The following PTPN13 variants were observed in gnomAD, a reference collection of about 807,000 sequenced individuals.
PTPN13 encodes the protein tyrosine-protein phosphatase non-receptor type 13.
In PTPN13, 191 loss-of-function variants were observed where a neutral mutation model predicts 284.0. The ratio of observed to expected loss-of-function variants is 0.67; its 90% CI spans 0.60 to 0.76. PTPN13 has a LOEUF of 0.76. PTPN13 is among the 30% of genes least tolerant of loss of function. The probability of loss-of-function intolerance (pLI) is 0.00; values close to 1 mark genes in which losing one functional copy is unlikely to be tolerated. For synonymous variants in PTPN13, 986 were observed against 1,022.3 expected, an observed-to-expected ratio of 0.96 and a Z score of 0.68; for missense variants, 2,797 against 2,939.9, an observed-to-expected ratio of 0.95 and a Z score of 1.12.
At chr4:86,759,098 G>T in intron 23 of PTPN13, 25 bp downstream of exon 23, 2 of 1,603,450 alleles carry the variant, frequency 1.2e-6, no homozygotes, top group South Asian at 2.2e-5. Flanking sequence ...TCTTACTTAT[G>T]TATTCTGTTT....
intron 17 of PTPN13, among the ~76,000 whole-genome samples, chr4:86,748,800 C>T (rs1226293207): frequency 5.3e-5 from 8 of 151,944 alleles, no homozygotes; most frequent in Non-Finnish European, 7.4e-5. Context: ...GGACTACAGG[C>T]GCCTGCCACC....
chr4:86,713,384 A>T (rs1732656947), intron 7 of PTPN13, among the ~76,000 whole-genome samples: 1 of 152,150 alleles, frequency 6.6e-6, no homozygotes, highest in South Asian at 2.1e-4. Flanking sequence ...CATATAATGT[A>T]CTGTATTCAT....
intron 2 of PTPN13, among the ~76,000 whole-genome samples, chr4:86,639,536 G>A (rs1039769530): frequency 3.3e-5 from 5 of 152,114 alleles, no homozygotes; most frequent in African/African-American, 1.2e-4. Flanking sequence ...TAGGGACATG[G>A]ATGAAATTGG....
At chr4:86,789,836 C>A (rs573558267) in intron 40 of PTPN13, among the ~76,000 whole-genome samples, 4 of 149,234 alleles carry the variant, frequency 2.7e-5, no homozygotes, top group African/African-American at 9.9e-5. Context: ...ACAGGTATCA[C>A]TGTAGCTTTT....
intron 20 of PTPN13, among the ~76,000 whole-genome samples, chr4:86,756,213 A>G (rs779816113): frequency 3.9e-5 from 6 of 151,922 alleles, no homozygotes; most frequent in Non-Finnish European, 7.4e-5. Context: ...CACCTCATCA[A>G]TGTGGTCTCT....
chr4:86,723,177 AT>A (rs1251521238), intron 10 of PTPN13, among the ~76,000 whole-genome samples: 1 of 152,138 alleles, frequency 6.6e-6, no homozygotes, highest in Admixed American at 6.5e-5. Context: ...GTGTACTGTA[AT>A]TTCTTTAGTC....
At chr4:86,755,051 C>T (rs1737815487) in intron 20 of PTPN13, among the ~76,000 whole-genome samples, 3 of 152,074 alleles carry the variant, frequency 2.0e-5, no homozygotes, top group African/African-American at 7.2e-5. Context: ...AGTAAAATTA[C>T]TTGCCCATGC....
At chr4:86,595,057 C>A (rs1306038796) in intron 1 of PTPN13, among the ~76,000 whole-genome samples, 2 of 152,040 alleles carry the variant, frequency 1.3e-5, no homozygotes, top group African/African-American at 4.8e-5. Flanking sequence ...CGGAAGAAAG[C>A]CGGATTCTCG....
rs977733337 is a variant in PTPN13 at position 86,748,486 on chromosome 4, C to T, written c.2651-1984C>T. ...ACTGAGCCTGCTATCCTTATTCCTG[C>T]CAAAGTTTGGTCCACATTTTCTTTA... On this transcript the variant is annotated intron_variant, in intron 17 of 47. Transcript: ENST00000411767. 3.1e-4 allele frequency among the ~76,000 whole-genome samples: 47 copies of T among 152,104 alleles called. 1 individual carries two copies. The highest frequency in any genetic ancestry group is 2.9e-5 in the Non-Finnish European group (2 of 68,018).
In PTPN13 at chr4:86,629,615, A is replaced by G. The variant is rs562795232; in HGVS notation, c.-5-5637A>G. 7.9e-5 allele frequency among the ~76,000 whole-genome samples: 12 copies of G among 152,262 alleles called. No individual in the cohort carries two copies. The South Asian group carries it at 2.5e-3, about 32-fold the overall frequency. On this transcript the variant is annotated intron_variant, in intron 1 of 47. Transcript: ENST00000411767. ...TAATCTGGGTCATGCATTTGTTTTC[A>G]TATCTACAAAAACATTGGCTAACTG...
Position 86,658,843 on chromosome 4 carries a change from A to ATT in PTPN13, c.116-13521_116-13520dup, listed in dbSNP as rs1281452193. On this transcript the variant is annotated intron_variant, in intron 2 of 47. Transcript: ENST00000411767. ...AAAATTCTACACGTAGATTAATGGG[A>ATT]TTGGAAATACAGGACACCATAAACA... Among the ~76,000 whole-genome samples, 11 of 152,302 alleles carry ATT rather than the reference A, an allele frequency of 7.2e-5. No homozygotes were observed. In the East Asian group the frequency reaches 2.1e-3, roughly 29 times the overall value.
intron 7 of PTPN13, 149 bp downstream of exon 7, chr4:86,701,950 C>G (rs1367579107): frequency 8.1e-6 from 6 of 738,606 alleles, no homozygotes; most frequent in African/African-American, 3.6e-5. Context: ...CTGTCAATTT[C>G]TGTTCTCCCT....
chr4:86,791,048 ACAC>A (rs1742585776), intron 40 of PTPN13, among the ~76,000 whole-genome samples: 1 of 152,226 alleles, frequency 6.6e-6, no homozygotes, highest in East Asian at 1.9e-4. Context: ...GCGTCGCCTC[ACAC>A]GGGAAGCACA....
intron 1 of PTPN13, among the ~76,000 whole-genome samples, chr4:86,616,845 T>C (rs575588472): frequency 6.6e-6 from 1 of 152,254 alleles, no homozygotes; most frequent in South Asian, 2.1e-4. Context: ...AGATATTTCT[T>C]TACAGCAATG....
chr4:86,601,436 TCA>T lies in PTPN13; in HGVS notation c.-6+6650_-6+6651del, dbSNP rs1210224800. 7.2e-5 allele frequency among the ~76,000 whole-genome samples: 11 copies of T among 152,250 alleles called. No homozygotes were observed. The East Asian group carries it at 1.7e-3, about 24-fold the overall frequency. ...TATAATTTAACATATTCCCCTATGT[TCA>T]CAGTTTGTGGCATATAATTCTTAGA... On this transcript the variant is annotated intron_variant, in intron 1 of 47. Coordinates refer to ENST00000411767, the MANE Select transcript of PTPN13 (RefSeq NM_080683.3).
intron 40 of PTPN13, among the ~76,000 whole-genome samples, chr4:86,793,351 A>C (rs1461012027): frequency 6.6e-6 from 1 of 152,198 alleles, no homozygotes; most frequent in Admixed American, 6.5e-5. Context: ...CAGATTCATA[A>C]AGCAAATCTT....
rs145171382 is a variant in PTPN13, at chr4:86,715,482, C to T, written c.1196-1048C>T. 1.2e-3 allele frequency among the ~76,000 whole-genome samples: 183 copies of T among 152,270 alleles called. 1 individual carries two copies. The highest frequency in any genetic ancestry group is 4.3e-3 in the African/African-American group (179 of 41,572). ...TGGCACATGCTTCTAGTCCCAGCTACTTGGGAGGCTGAGACGAGAAGATAG... is the reference window on the plus strand; with the variant it reads ...TGGCACATGCTTCTAGTCCCAGCTATTTGGGAGGCTGAGACGAGAAGATAG... On this transcript the variant is annotated intron_variant, in intron 7 of 47. Coordinates refer to ENST00000411767, the MANE Select transcript of PTPN13 (RefSeq NM_080683.3).
intron 9 of PTPN13, among the ~76,000 whole-genome samples, chr4:86,718,498 T>C (rs1733272072): frequency 6.7e-6 from 1 of 149,970 alleles, no homozygotes; most frequent in African/African-American, 2.4e-5. Flanking sequence ...CTGCCCAGAC[T>C]GTAATGCAGT....
At chr4:86,700,317 T>C (rs2149002579) in intron 6 of PTPN13, among the ~76,000 whole-genome samples, 1 of 152,266 alleles carries the variant, frequency 6.6e-6, no homozygotes, top group South Asian at 2.1e-4. Context: ...TCTTCAGTGT[T>C]TATGGGCTAT....
Sources: allele counts gnomAD v4.1 joint callset (sites outside exome capture counted in the v4.1 genomes callset), GRCh38; gene constraint gnomAD v4.1.1; transcripts MANE v1.5; gene names NCBI Gene and HGNC (gene_info 2026-07-23, HGNC 2026-07-21).